IAH1: variants seen among roughly 807,000 people sequenced by gnomAD.
The protein encoded by IAH1 is isoamyl acetate-hydrolyzing esterase 1 homolog.
IAH1 carries 24 observed loss-of-function variants against 26.7 expected under a neutral mutation model. The observed-to-expected ratio is 0.90, with a 90% CI of 0.65 to 1.26. The LOEUF (loss-of-function observed/expected upper bound fraction) is 1.26, where lower values mean the gene tolerates loss of function less well. Among genes scored for constraint, IAH1 ranks in the 50% most tolerant of loss-of-function variants. The pLI, the probability that IAH1 is intolerant of heterozygous loss-of-function variation, is 0.00. For missense variants in IAH1, 300 were observed against 299.9 expected (o/e 1.00, Z 0.00); for synonymous variants, 140 against 118.5 (o/e 1.18, Z -1.18).
downstream of IAH1, among the ~76,000 whole-genome samples, chr2:9,491,699 TG>T (rs1164159990): frequency 6.6e-6 from 1 of 152,230 alleles, no homozygotes. Context: ...GGCCATCTGC[TG>T]CCCCATCCCT....
intron 1 of IAH1, chr2:9,475,638 T>C (rs1408763299): frequency 6.5e-6 from 2 of 309,874 alleles, no homozygotes; most frequent in Non-Finnish European, 1.2e-5. Flanking sequence ...GTAGCTGGGA[T>C]TATAGACGTG....
downstream of IAH1, among the ~76,000 whole-genome samples, chr2:9,500,586 TCAAA>T (rs1054656998): frequency 1.3e-5 from 2 of 151,960 alleles, no homozygotes; most frequent in Non-Finnish European, 2.9e-5. Flanking sequence ...TATTACAAAA[TCAAA>T]CCAACCAACC....
Position 9,480,058 on chromosome 2 carries a change from C to T in IAH1, c.284-1228C>T, listed in dbSNP as rs188538047. Reference sequence around the variant, plus strand: ...TCCTGACCTCAGGTGATCCACCTGCCTCGGCCTCCCAAAGTGCTAGGATTT... The same window carrying T: ...TCCTGACCTCAGGTGATCCACCTGCTTCGGCCTCCCAAAGTGCTAGGATTT... On this transcript the variant is annotated intron_variant, in intron 3 of 5. Transcript: ENST00000497473. 5.3e-3 allele frequency among the ~76,000 whole-genome samples: 810 copies of T among 152,032 alleles called. 5 individuals carry two copies. Among genetic ancestry groups the T allele is most frequent in the African/African-American group, 0.019 (780 of 41,482 alleles).
At chr2:9,502,223 T>C in the IAH1 span, 8 of 1,613,990 alleles carry the variant, frequency 5.0e-6, no homozygotes. Flanking sequence ...CTCCTGGCAC[T>C]TCTTCTGGGC....
At chr2:9,498,017 A>T (rs554409316), downstream of IAH1, among the ~76,000 whole-genome samples, 1 of 152,158 alleles carries the variant, frequency 6.6e-6, no homozygotes, top group African/African-American at 2.4e-5. Context: ...TATTTCTTAA[A>T]TAAATCAATT....
the IAH1 span, among the ~76,000 whole-genome samples, chr2:9,510,650 C>T: frequency 0.24 from 34,308 of 144,140 alleles, 4,656 homozygotes; most frequent in Middle Eastern, 0.36. Context: ...GGAGACAGGG[C>T]GAGACTTCGT....
Position 9,474,666 on chromosome 2 carries a change from TCGGCCTCCCGCCC to T in IAH1, c.81+29_81+41del. On this transcript the variant is annotated intron_variant, in intron 1 of 5. Transcript: ENST00000497473. This position sits in a 1 kb window ranked among gnomAD's most constrained non-coding sequence, Gnocchi z 4.3. ...CACCCAGGTACGGCCGCCCCGACGC[TCGGCCTCCCGCCC>T]CGGCCTCCCTGCGGGGTCGCTGCCG... 2.6e-6 allele frequency: 4 copies of T among 1,524,726 alleles called. No homozygotes were observed. Among genetic ancestry groups the T allele is most frequent in the Non-Finnish European group, 2.6e-6 (3 of 1,136,540 alleles). The allele number at this position is 1,524,726 out of a possible 1,614,324, so 94.4% of individuals were successfully genotyped here.
At chr2:9,484,613 T>G (rs2124922202) in intron 5 of IAH1, 63 bp downstream of exon 5, 5 of 1,114,942 alleles carry the variant, frequency 4.5e-6, no homozygotes, top group Non-Finnish European at 5.4e-6. Context: ...ACCAGGTGTG[T>G]GTGCAGCAGC....
At chr2:9,479,795 C>CTTTTTTTTTTTTTTTTTTTTTTT in intron 3 of IAH1, among the ~76,000 whole-genome samples, 1 of 69,848 alleles carries the variant, frequency 1.4e-5, no homozygotes, top group Non-Finnish European at 2.5e-5. Flanking sequence ...CTGTGTATTG[C>CTTTTTTTTTTTTTTTTTTTTTTT]TTTTTTTTTT....
At chr2:9,494,806 G>A in exon 6 of IAH1, 1 of 1,608,154 alleles carries the variant, frequency 6.2e-7, no homozygotes, top group South Asian at 1.1e-5. Context: ...GGATTGTTCT[G>A]AGACCTGCCT....
chr2:9,474,541 C>T, upstream of IAH1: 1 of 1,387,642 alleles, frequency 7.2e-7, no homozygotes, highest in African/African-American at 1.6e-5. The surrounding 1 kb of genome is among the most constrained non-coding windows in gnomAD (Gnocchi z 4.3). Context: ...GGCTGGCGGC[C>T]CCGCCCCGCC....
the IAH1 span, among the ~76,000 whole-genome samples, chr2:9,506,363 T>G: frequency 7.1e-6 from 1 of 141,158 alleles, no homozygotes; most frequent in South Asian, 2.4e-4. Flanking sequence ...AAATCTGTTT[T>G]TTTTTTTTTT....
the IAH1 span, chr2:9,505,147 C>T: frequency 6.2e-7 from 1 of 1,613,770 alleles, no homozygotes; most frequent in Non-Finnish European, 8.5e-7. Context: ...CCCAAAATCC[C>T]TGTGGAGAGA....
chr2:9,500,608 A>T (rs1464715299), downstream of IAH1, among the ~76,000 whole-genome samples: 1 of 152,244 alleles, frequency 6.6e-6, no homozygotes, highest in Non-Finnish European at 1.5e-5. Context: ...ACCAAGAGAG[A>T]CAAATTTTGA....
the IAH1 span, chr2:9,509,960 A>C: frequency 4.3e-6 from 7 of 1,613,114 alleles, no homozygotes; most frequent in South Asian, 7.7e-5. Flanking sequence ...CACATAAAAA[A>C]TTCTCGACAC....
chr2:9,475,755 C>T (rs1315057132), intron 1 of IAH1: 2 of 574,592 alleles, frequency 3.5e-6, no homozygotes, highest in East Asian at 2.9e-5. Context: ...CCCGCCTTGG[C>T]CTCCCAAAGT....
At chr2:9,504,062 G>A in the IAH1 span, among the ~76,000 whole-genome samples, 3 of 151,528 alleles carry the variant, frequency 2.0e-5, no homozygotes, top group South Asian at 2.1e-4. Context: ...GAGGTGGAAG[G>A]ACTGATTGAG....
At chr2:9,478,818 T>C (rs1321760427) in intron 3 of IAH1, among the ~76,000 whole-genome samples, 2 of 152,164 alleles carry the variant, frequency 1.3e-5, no homozygotes, top group African/African-American at 4.8e-5. Flanking sequence ...GAAAAGGAGA[T>C]GGTCTCTCCT....
chr2:9,487,935 G>A (rs1661702656), intron 5 of IAH1, among the ~76,000 whole-genome samples: 1 of 152,068 alleles, frequency 6.6e-6, no homozygotes, highest in Non-Finnish European at 1.5e-5. Context: ...CTGGGCTTAA[G>A]TGATCCTCCC....
Sources: allele counts gnomAD v4.1 joint callset (sites outside exome capture counted in the v4.1 genomes callset), GRCh38; gene constraint gnomAD v4.1.1; non-coding constraint Gnocchi (gnomAD v3.1); transcripts MANE v1.5; gene names NCBI Gene and HGNC (gene_info 2026-07-23, HGNC 2026-07-21).